RPS26: variants seen among roughly 807,000 people sequenced by gnomAD.
The protein encoded by RPS26 is ribosomal protein S26, also known as small ribosomal subunit protein eS26.
Under a neutral mutation model 14.7 loss-of-function variants are expected in RPS26, and 1 was observed. The ratio of observed to expected loss-of-function variants is 0.07; its 90% CI spans 0.02 to 0.32. RPS26 has a LOEUF of 0.32. Among genes scored for constraint, RPS26 ranks in the 10% least tolerant of loss-of-function variants. The pLI, the probability that RPS26 is intolerant of heterozygous loss-of-function variation, is 1.00. For missense variants in RPS26, 63 were observed against 157.7 expected (o/e 0.40, Z 3.22); for synonymous variants, 59 against 53.1 (o/e 1.11, Z -0.48).
At chr12:56,042,873 A>T in intron 2 of RPS26, 1 of 547,120 alleles carries the variant, frequency 1.8e-6, no homozygotes, top group Non-Finnish European at 3.3e-6. Context: ...AACTTGGTAA[A>T]TTTGACAATT....
In RPS26 at chr12:56,043,479, C is replaced by T. The variant is rs755101044; in HGVS notation, c.298C>T (p.Arg100Ter). The T allele has an allele frequency of 6.2e-7, 1 of 1,613,806 alleles. No individual in the cohort carries two copies. The highest frequency in any genetic ancestry group is 8.5e-7 in the Non-Finnish European group (1 of 1,179,898). The change falls in exon 3 of 4, where the codon CGA (arginine) becomes TGA (stop). Residue 100 changes from arginine (R) to a stop codon, truncating the protein, a stop_gained. Coordinates refer to ENST00000646449, the MANE Select transcript of RPS26 (RefSeq NM_001029.5). LOFTEE classifies it high-confidence loss of function. ...CCGCAAGGACCGAACACCCCCACCC[C>T]GATTTAGACCTGCGGTGAGTATTTT... The part of the protein sequence containing the change: ...EARKDRTPPP[R>*]FRPAGAAPRP...
In RPS26 at chr12:56,044,425, C is replaced by T. The variant is rs944023609; in HGVS notation, c.*271C>T. On this transcript the variant is annotated 3_prime_UTR_variant, in exon 4 of 4. Transcript: ENST00000646449. ...GTGGCGTGATCTCAGCTCACTGCAA[C>T]CTCCGTCTCCCGGGTTCAAGTGATT... 2.6e-5 allele frequency: 10 copies of T among 379,428 alleles called. 1 individual carries two copies. The South Asian group carries it at 3.0e-4, about 11-fold the overall frequency. 23.5% of individuals were successfully genotyped at this position (379,428 alleles called of 1,614,324 possible). A position where few individuals can be genotyped will look rare whatever the true frequency, so the allele number is the denominator to read the frequency against.
rs1262658112 is a variant in RPS26 at position 56,042,118 on chromosome 12, G to C, written c.-49G>C. Reference sequence around the variant, plus strand: ...CCGCGTAGGGATCTCATGCTATATAGGAGGGCCCTGCCAGGCACCGTCTCC... The same window carrying C: ...CCGCGTAGGGATCTCATGCTATATACGAGGGCCCTGCCAGGCACCGTCTCC... On this transcript the variant is annotated 5_prime_UTR_variant, in exon 1 of 4. Transcript: ENST00000646449. The C allele has an allele frequency of 2.5e-6, 4 of 1,606,960 alleles. No individual in the cohort carries two copies. The highest frequency in any genetic ancestry group is 2.2e-5 in the East Asian group (1 of 44,858).
chr12:56,042,313 G>T, intron 1 of RPS26, 112 bp from the exon 2 acceptor site: 1 of 1,514,432 alleles, frequency 6.6e-7, no homozygotes. Context: ...CGGAGAAACA[G>T]GAGATCCGAG....
chr12:56,043,190 T>A, intron 2 of RPS26, 173 bp from the exon 3 acceptor site: 1 of 626,114 alleles, frequency 1.6e-6, no homozygotes, highest in Admixed American at 2.4e-5. Context: ...GTTATACATA[T>A]GTGCTCAGGT....
chr12:56,044,136 C>A lies in RPS26; in HGVS notation c.330C>A (p.Pro110=). The A allele has an allele frequency of 2.2e-5, 36 of 1,613,038 alleles. No homozygotes were observed. The highest frequency in any genetic ancestry group is 3.0e-5 in the Non-Finnish European group (35 of 1,179,224). The change falls in exon 4 of 4, where the codon CCC becomes CCA. Residue 110 remains proline, a synonymous_variant. Coordinates refer to ENST00000646449, the MANE Select transcript of RPS26 (RefSeq NM_001029.5). Reference sequence around the variant, plus strand: ...TCTTTCAGGGTGCTGCCCCACGTCCCCCACCAAAGCCCATGTAAGGAGCTG... The same window carrying A: ...TCTTTCAGGGTGCTGCCCCACGTCCACCACCAAAGCCCATGTAAGGAGCTG... ...RFRPAGAAPR[P]PPKPM is the part of the protein sequence containing the mutation.
At position 56,042,155 on chromosome 12, in the gene RPS26, C is replaced by A. The variant is rs760630234; in HGVS notation, c.-12C>A. On this transcript the variant is annotated 5_prime_UTR_variant, in exon 1 of 4. Transcript: ENST00000646449. ...CAGGCACCGTCTCCTCTCTCCGGTC[C>A]GTGCCTCCAAGATGGTGAGTCTTCT... 125 of 1,613,934 alleles carry A rather than the reference C, an allele frequency of 7.7e-5. No homozygotes were observed. Among genetic ancestry groups the A allele is most frequent in the Non-Finnish European group, 1.1e-4 (124 of 1,179,952 alleles).
At chr12:56,043,565 T>A (rs981599150) in intron 3 of RPS26, 72 bp downstream of exon 3, 49 of 1,503,828 alleles carry the variant, frequency 3.3e-5, no homozygotes, top group Non-Finnish European at 4.4e-5. Flanking sequence ...GGTCAGGGTG[T>A]CCTATACCTG....
At position 56,044,106 on chromosome 12, in the gene RPS26, C is replaced by CT. The variant is rs1162462797; in HGVS notation, c.313-10dup. On this transcript the variant is annotated splice_polypyrimidine_tract_variant and intron_variant, in intron 3 of 3. Transcript: ENST00000646449. ...TGGGTTTTAATTTACTCTTTTGTTTCTTTGTCTTTCAGGGTGCTGCCCCAC... is the reference window on the plus strand; with the variant it reads ...TGGGTTTTAATTTACTCTTTTGTTTCTTTTGTCTTTCAGGGTGCTGCCCCAC... 12 of 1,612,774 alleles carry CT rather than the reference C, an allele frequency of 7.4e-6. No homozygotes were observed. The highest frequency in any genetic ancestry group is 1.3e-5 in the African/African-American group (1 of 74,810).
At chr12:56,042,346 G>C (rs936504253) in intron 1 of RPS26, 79 bp from the exon 2 acceptor site, 4 of 1,553,226 alleles carry the variant, frequency 2.6e-6, no homozygotes, top group Non-Finnish European at 3.5e-6. Context: ...GGAGGCTGCC[G>C]GTGCGGCTTG....
Position 56,042,605 on chromosome 12 carries a change from A to T in RPS26, c.181+3A>T. ...TTCTGAAGCGAGCGTCTTCGATGGT[A>T]AGTGGGTCACCGGCGCGAACTGTGT... On this transcript the variant is annotated splice_donor_region_variant and intron_variant, in intron 2 of 3. Transcript: ENST00000646449. 6.3e-7 allele frequency: 1 copy of T among 1,598,208 alleles called. No individual in the cohort carries two copies. The highest frequency in any genetic ancestry group is 1.1e-5 in the South Asian group (1 of 91,072).
intron 2 of RPS26, 119 bp from the exon 3 acceptor site, chr12:56,043,244 C>G (rs1895914253): frequency 1.0e-6 from 1 of 992,032 alleles, no homozygotes; most frequent in African/African-American, 1.6e-5. Flanking sequence ...ATGTGCCCGA[C>G]AGGCATTTAA....
Position 56,043,476 on chromosome 12 carries a change from C to A in RPS26, c.295C>A (p.Pro99Thr). ...AGCCCGCAAGGACCGAACACCCCCA[C>A]CCCGATTTAGACCTGCGGTGAGTAT... ...REARKDRTPP[P>T]RFRPAGAAPR... is the part of the protein sequence containing the mutation. Residue 99 changes from proline (P) to threonine (T), a missense_variant, in exon 3 of 4, where the codon CCC (proline) becomes ACC (threonine). Coordinates refer to ENST00000646449, the MANE Select transcript of RPS26 (RefSeq NM_001029.5). 6.2e-7 allele frequency: 1 copy of A among 1,613,778 alleles called. No individual in the cohort carries two copies. The highest frequency in any genetic ancestry group is 8.5e-7 in the Non-Finnish European group (1 of 1,179,890).
chr12:56,043,481 AT>A lies in RPS26; in HGVS notation c.303del (p.Phe101LeufsTer21). On this transcript the variant is annotated frameshift_variant, in exon 3 of 4. Coordinates refer to ENST00000646449, the MANE Select transcript of RPS26 (RefSeq NM_001029.5). LOFTEE classifies it high-confidence loss of function. The part of the protein sequence containing the change: ...ARKDRTPPPR[F>X]RPAGAAPRPP... ...GCAAGGACCGAACACCCCCACCCCG[AT>A]TTAGACCTGCGGTGAGTATTTTAAA... The A allele has an allele frequency of 6.2e-7, 1 of 1,613,788 alleles. No homozygotes were observed. The highest frequency in any genetic ancestry group is 1.7e-4 in the Middle Eastern group (1 of 6,026).
Position 56,042,100 on chromosome 12 carries a change from G to A in RPS26, c.-67G>A. 6.5e-7 allele frequency: 1 copy of A among 1,539,822 alleles called. No homozygotes were observed. The highest frequency in any genetic ancestry group is 9.0e-7 in the Non-Finnish European group (1 of 1,112,094). On this transcript the variant is annotated 5_prime_UTR_variant, in exon 1 of 4. Transcript: ENST00000646449. ...TAAGGATTCTCCCGGTGTCCGCGTA[G>A]GGATCTCATGCTATATAGGAGGGCC...
chr12:56,042,178 T>G lies in RPS26; in HGVS notation c.3+9T>G, dbSNP rs545595719. ...TCCGTGCCTCCAAGATGGTGAGTCTTCTTGCGTGGTGAGGGTGGGGGTTCG... is the reference window on the plus strand; with the variant it reads ...TCCGTGCCTCCAAGATGGTGAGTCTGCTTGCGTGGTGAGGGTGGGGGTTCG... On this transcript the variant is annotated intron_variant, in intron 1 of 3. Coordinates refer to ENST00000646449, the MANE Select transcript of RPS26 (RefSeq NM_001029.5). The G allele has an allele frequency of 4.3e-6, 7 of 1,613,952 alleles. No homozygotes were observed. The highest frequency in any genetic ancestry group is 2.7e-5 in the African/African-American group (2 of 74,898).
In RPS26 at chr12:56,042,048, G is replaced by C. The variant is rs1895890006; in HGVS notation, c.-119G>C. 1.0e-6 allele frequency: 1 copy of C among 995,246 alleles called. No homozygotes were observed. Among genetic ancestry groups the C allele is most frequent in the Non-Finnish European group, 1.6e-6 (1 of 620,992 alleles). 61.7% of individuals were successfully genotyped at this position (995,246 alleles called of 1,614,324 possible). A position where few individuals can be genotyped will look rare whatever the true frequency, so the allele number is the denominator to read the frequency against. ...ATGTAAAGGAATATTTGAGTAAAGT[G>C]AGTTGCCGTTCTTGAAGCCCGTCTC... On this transcript the variant is annotated 5_prime_UTR_variant, in exon 1 of 4. Coordinates refer to ENST00000646449, the MANE Select transcript of RPS26 (RefSeq NM_001029.5).
chr12:56,042,399 C>T (rs1369231904), intron 1 of RPS26, 26 bp from the exon 2 acceptor site: 4 of 1,613,008 alleles, frequency 2.5e-6, no homozygotes, highest in South Asian at 1.1e-5. Flanking sequence ...CGCCGTTTTC[C>T]TAACAGTTTT....
Position 56,042,347 on chromosome 12 carries a change from G to T in RPS26, c.4-78G>T, listed in dbSNP as rs1480395565. 4 of 1,554,088 alleles carry T rather than the reference G, an allele frequency of 2.6e-6. No homozygotes were observed. The African/African-American group carries it at 4.1e-5, about 16-fold the overall frequency. ...AGCGGCGCCTTCCTGGAGGCTGCCG[G>T]TGCGGCTTGTGGCCGGAAAGGGACT... On this transcript the variant is annotated intron_variant, in intron 1 of 3. Coordinates refer to ENST00000646449, the MANE Select transcript of RPS26 (RefSeq NM_001029.5).
Sources: gnomAD v4.1 joint callset for allele counts on GRCh38, gnomAD v4.1.1 for gene constraint, MANE v1.5 for transcripts, NCBI Gene and HGNC (gene_info 2026-07-23, HGNC 2026-07-21) for gene names.